Variants in LAMC2 observed in about 807,000 individuals in gnomAD.
LAMC2 encodes the protein laminin subunit gamma 2, also known as laminin subunit gamma-2.
A neutral mutation model predicts 140.2 loss-of-function variants in LAMC2; 97 were observed. That is an observed-to-expected ratio of 0.69 (90% CI 0.59 to 0.82). The LOEUF is 0.82. Among genes scored for constraint, LAMC2 ranks in the 40% least tolerant of loss-of-function variants. LAMC2 has a pLI of 0.00. For synonymous variants in LAMC2, 513 were observed against 540.2 expected (o/e 0.95, Z 0.70); for missense variants, 1,402 against 1,476.1 (o/e 0.95, Z 0.82).
chr1:183,216,497 C>CT (rs1292578393), intron 3 of LAMC2, among the ~76,000 whole-genome samples: 1 of 152,128 alleles, frequency 6.6e-6, no homozygotes, highest in Non-Finnish European at 1.5e-5. Flanking sequence ...TTTCTCGTCA[C>CT]TTTCCTCCCT....
At chr1:183,219,480 C>T (rs1298018438) in intron 4 of LAMC2, among the ~76,000 whole-genome samples, 1 of 152,200 alleles carries the variant, frequency 6.6e-6, no homozygotes, top group African/African-American at 2.4e-5. Flanking sequence ...CCCCTCCTCC[C>T]TAGAAGTGAC....
chr1:183,201,576 T>C (rs773731425), intron 1 of LAMC2, among the ~76,000 whole-genome samples: 3 of 152,192 alleles, frequency 2.0e-5, no homozygotes, highest in Non-Finnish European at 4.4e-5. Context: ...ATATGATACA[T>C]GCTTGACACA....
At chr1:183,206,698 G>T (rs1326930650) in intron 1 of LAMC2, among the ~76,000 whole-genome samples, 1 of 151,652 alleles carries the variant, frequency 6.6e-6, no homozygotes, top group Non-Finnish European at 1.5e-5. Flanking sequence ...TATTGTCAGT[G>T]CCTGACACAG....
intron 3 of LAMC2, among the ~76,000 whole-genome samples, chr1:183,216,810 G>C (rs1437375417): frequency 6.6e-6 from 1 of 152,156 alleles, no homozygotes; most frequent in Non-Finnish European, 1.5e-5. Flanking sequence ...CCCATGCCTG[G>C]AGTGGGAAGA....
chr1:183,189,562 T>C (rs1300338444), intron 1 of LAMC2, among the ~76,000 whole-genome samples: 1 of 152,042 alleles, frequency 6.6e-6, no homozygotes, highest in East Asian at 1.9e-4. Flanking sequence ...AAATTTGAGA[T>C]ATAAATTTGG....
intron 14 of LAMC2, among the ~76,000 whole-genome samples, chr1:183,233,735 TA>T (rs201632487): frequency 0.015 from 2,205 of 151,954 alleles, 23 homozygotes; most frequent in Non-Finnish European, 0.02. Context: ...TTTTTATTTT[TA>T]TTTTTTTTGG....
chr1:183,248,043 A>T (rs1660275775), downstream of LAMC2, among the ~76,000 whole-genome samples: 1 of 152,234 alleles, frequency 6.6e-6, no homozygotes, highest in African/African-American at 2.4e-5. Flanking sequence ...TTTGCTAATT[A>T]TTCTTCCCTT....
At chr1:183,196,382 C>T (rs966472512) in intron 1 of LAMC2, among the ~76,000 whole-genome samples, 1 of 152,190 alleles carries the variant, frequency 6.6e-6, no homozygotes, top group Admixed American at 6.5e-5. Context: ...AGTGATTCAC[C>T]GGCCTCAGCC....
At chr1:183,186,848 A>G (rs958608822) in intron 1 of LAMC2, among the ~76,000 whole-genome samples, 10 of 152,236 alleles carry the variant, frequency 6.6e-5, no homozygotes, top group African/African-American at 2.4e-4. Flanking sequence ...CCTCTTCAAT[A>G]ATCCTGTAAT....
intron 17 of LAMC2, 120 bp downstream of exon 17, chr1:183,236,724 T>C: frequency 8.3e-7 from 1 of 1,200,402 alleles, no homozygotes; most frequent in Non-Finnish European, 1.2e-6. Context: ...ATTTCTGTTT[T>C]AGAGTGGGAA....
rs143778556 is a variant in LAMC2, at chr1:183,239,499, C to A, written c.3005C>A (p.Ala1002Asp). The A allele has an allele frequency of 6.2e-7, 1 of 1,613,722 alleles. No individual in the cohort carries two copies. ...QAERALGSAA[A>D]DAQRAKNGAG... Reference sequence around the variant, plus strand: ...GAAAGAGCCCTGGGGAGCGCTGCTGCTGATGCACAGAGGGCAAAGAATGGG... The same window carrying A: ...GAAAGAGCCCTGGGGAGCGCTGCTGATGATGCACAGAGGGCAAAGAATGGG... Residue 1002 changes from alanine (A) to aspartate (D), a missense_variant, in exon 20 of 23, where the codon GCT (alanine) becomes GAT (aspartate). Physicochemically the swap from Ala to Asp is moderately radical, Grantham distance 126. Transcript: ENST00000264144.
Position 183,222,116 on chromosome 1 carries a change from G to A in LAMC2, c.668G>A (p.Arg223Gln), listed in dbSNP as rs374263073. Reference protein sequence around the residue: ...QDVDGWKAVQRNGSPAKLQWS... With the variant: ...QDVDGWKAVQQNGSPAKLQWS... The stretch of plus-strand genomic sequence containing the variant: ...GTTGATGGCTGGAAGGCTGTCCAAC[G>A]AAATGGGTCTCCTGCAAAGCTCCAA... The change falls in exon 6 of 23, where the codon CGA becomes CAA. Residue 223 changes from arginine to glutamine, a missense_variant. Around this residue, in one of 3 missense-constraint regions of LAMC2, gnomAD observed 723 missense variants for 783.3 expected, o/e 0.92. Transcript: ENST00000264144. The A allele has an allele frequency of 9.9e-6, 16 of 1,613,996 alleles. No homozygotes were observed. Among genetic ancestry groups the A allele is most frequent in the Non-Finnish European group, 1.2e-5 (14 of 1,180,008 alleles).
chr1:183,255,853 A>G, the LAMC2 span, among the ~76,000 whole-genome samples: 40 of 151,974 alleles, frequency 2.6e-4, no homozygotes, highest in Admixed American at 4.6e-4. Flanking sequence ...TGTTAGAGAC[A>G]GGGTTTCACC....
At chr1:183,191,647 C>T (rs192127622) in intron 1 of LAMC2, among the ~76,000 whole-genome samples, 1 of 152,202 alleles carries the variant, frequency 6.6e-6, no homozygotes, top group African/African-American at 2.4e-5. Context: ...TACCTGAGGT[C>T]CAGAGTTCAA....
At chr1:183,208,159 G>C in intron 2 of LAMC2, 90 bp downstream of exon 2, 1 of 1,214,746 alleles carries the variant, frequency 8.2e-7, no homozygotes, top group Non-Finnish European at 1.2e-6. Context: ...AGAAGGAAGG[G>C]AACAACGGAG....
intron 1 of LAMC2, among the ~76,000 whole-genome samples, chr1:183,200,524 C>T (rs947281479): frequency 5.9e-5 from 9 of 152,118 alleles, no homozygotes; most frequent in Admixed American, 2.0e-4. Context: ...AATGAGATCC[C>T]GATGAACTGC....
intron 11 of LAMC2, among the ~76,000 whole-genome samples, chr1:183,230,627 A>AG (rs142373366): frequency 0.033 from 5,079 of 152,264 alleles, 126 homozygotes; most frequent in South Asian, 0.11. Context: ...TGCAAAATAG[A>AG]GGGGGATGTC....
chr1:183,254,177 C>T, the LAMC2 span, among the ~76,000 whole-genome samples: 2 of 152,040 alleles, frequency 1.3e-5, no homozygotes, highest in Non-Finnish European at 2.9e-5. Flanking sequence ...TTTTCTATAA[C>T]GGTTGTACCA....
rs768629861 is a variant in LAMC2 at position 183,223,318 on chromosome 1, C to CGTGTAA, written c.947_948insGTGTAA (p.Thr316_Phe317insCysLys). On this transcript the variant is annotated inframe_insertion, in exon 7 of 23. Transcript: ENST00000264144. ...CCTTGTGGGCTCACCAAGACTTACA[C>CGTGTAA]ATTCAGGTAAAAAGAGAGACCATAA... 6.2e-7 allele frequency: 1 copy of CGTGTAA among 1,614,110 alleles called. No individual in the cohort carries two copies. The highest frequency in any genetic ancestry group is 8.5e-7 in the Non-Finnish European group (1 of 1,179,984).
Sources: gnomAD v4.1 joint callset for allele counts (sites outside exome capture counted in the v4.1 genomes callset) on GRCh38, gnomAD v4.1.1 for gene constraint, gnomAD v4.1.1 regional missense constraint, MANE v1.5 for transcripts, NCBI Gene and HGNC (gene_info 2026-07-23, HGNC 2026-07-21) for gene names.